SPOCK3: variants seen among roughly 807,000 people sequenced by gnomAD.
The protein encoded by SPOCK3 is SPARC (osteonectin), cwcv and kazal like domains proteoglycan 3.
In SPOCK3, 30 loss-of-function variants were observed where a neutral mutation model predicts 56.6. That is an observed-to-expected ratio of 0.53 (90% CI 0.40 to 0.72). The LOEUF is 0.72. Ranked by LOEUF, SPOCK3 falls within the 30% of genes least tolerant of loss-of-function variation. The probability of loss-of-function intolerance (pLI) is 0.00; values close to 1 mark genes in which losing one functional copy is unlikely to be tolerated. For missense variants in SPOCK3, 527 were observed against 530.0 expected, an observed-to-expected ratio of 0.99 and a Z score of 0.06; for synonymous variants, 196 against 183.3, an observed-to-expected ratio of 1.07 and a Z score of -0.56.
chr4:167,179,527 A>C (rs1376275870), intron 2 of SPOCK3, among the ~76,000 whole-genome samples: 1 of 152,176 alleles, frequency 6.6e-6, no homozygotes, highest in African/African-American at 2.4e-5. Context: ...TAATCAAGTA[A>C]CTTTTATTCA....
chr4:166,782,884 AAG>A lies in SPOCK3; in HGVS notation c.709+9284_709+9285del, dbSNP rs780257464. 3.3e-5 allele frequency among the ~76,000 whole-genome samples: 5 copies of A among 152,316 alleles called. No individual in the cohort carries two copies. The East Asian group carries it at 5.8e-4, about 18-fold the overall frequency. On this transcript the variant is annotated intron_variant, in intron 7 of 10. Coordinates refer to ENST00000357545, the MANE Select transcript of SPOCK3 (RefSeq NM_001040159.2). ...AAGACTTTCTTAAAGAACATGAACT[AAG>A]AGATATTCTAAAGTCAAAATAGAAA...
chr4:167,217,468 G>A (rs1163842284), intron 2 of SPOCK3, among the ~76,000 whole-genome samples: 1 of 151,942 alleles, frequency 6.6e-6, no homozygotes, highest in Non-Finnish European at 1.5e-5. Context: ...AATTTAAAGT[G>A]TATTGGAGAA....
chr4:166,816,948 T>A (rs914588917), intron 6 of SPOCK3, among the ~76,000 whole-genome samples: 1 of 152,168 alleles, frequency 6.6e-6, no homozygotes, highest in Middle Eastern at 3.4e-3. Flanking sequence ...TTCTTTCCAC[T>A]TTGTGTTAGA....
chr4:167,109,300 T>C (rs1215486727), intron 2 of SPOCK3, among the ~76,000 whole-genome samples: 1 of 90,466 alleles, frequency 1.1e-5, no homozygotes, highest in African/African-American at 4.5e-5. Context: ...TTATAAATAA[T>C]AATTATTAAT....
At chr4:167,106,604 G>C (rs902319219) in intron 2 of SPOCK3, among the ~76,000 whole-genome samples, 21 of 149,266 alleles carry the variant, frequency 1.4e-4, no homozygotes, top group African/African-American at 5.2e-4. Flanking sequence ...AAAAGCAAGA[G>C]CAAACTAAAC....
chr4:167,120,247 T>C (rs544310649), intron 2 of SPOCK3, among the ~76,000 whole-genome samples: 6 of 152,174 alleles, frequency 3.9e-5, no homozygotes, highest in Admixed American at 6.5e-5. Context: ...TTAAAAACAT[T>C]GTGTTTCAAT....
intron 2 of SPOCK3, among the ~76,000 whole-genome samples, chr4:167,200,676 C>T (rs972334092): frequency 6.6e-6 from 1 of 151,980 alleles, no homozygotes; most frequent in Non-Finnish European, 1.5e-5. Flanking sequence ...TTGCTGATTT[C>T]ACCATCAACA....
At position 167,209,169 on chromosome 4, in the gene SPOCK3, T is replaced by C. The variant is rs1375943488; in HGVS notation, c.189+24816A>G. ...AAAATGGCTTTTGTTAACATTGTGC[T>C]TCTCGGACTGGGGTTCCTGTATTGG... is the stretch of plus-strand genomic sequence containing the variant. On this transcript the variant is annotated intron_variant, in intron 2 of 10. Transcript: ENST00000357545. 9.9e-5 allele frequency among the ~76,000 whole-genome samples: 15 copies of C among 152,260 alleles called. No homozygotes were observed. The East Asian group carries it at 2.9e-3, about 29-fold the overall frequency.
chr4:167,205,557 A>ATT (rs1561322866), intron 2 of SPOCK3, among the ~76,000 whole-genome samples: 21 of 62,038 alleles, frequency 3.4e-4, no homozygotes, highest in African/African-American at 1.1e-3. Context: ...TATAATATAT[A>ATT]ATATATATTA....
rs190122631 is a variant in SPOCK3 at position 166,833,236 on chromosome 4, T to A, written c.590-40947A>T. On this transcript the variant is annotated intron_variant, in intron 6 of 10. Transcript: ENST00000357545. The stretch of plus-strand genomic sequence containing the variant: ...GATAATATACATCACATGATTTCAA[T>A]TCTGTTGATGTTTGTTTAATGATCC... 3.9e-5 allele frequency among the ~76,000 whole-genome samples: 6 copies of A among 152,318 alleles called. No homozygotes were observed. In the East Asian group the frequency reaches 1.2e-3, roughly 29 times the overall value.
At position 167,197,748 on chromosome 4, in the gene SPOCK3, T is replaced by C. The variant is rs193028598; in HGVS notation, c.189+36237A>G. Among the ~76,000 whole-genome samples, 63 of 152,280 alleles carry C rather than the reference T, an allele frequency of 4.1e-4. 1 individual carries two copies. The highest frequency in any genetic ancestry group is 1.4e-3 in the African/African-American group (57 of 41,572). On this transcript the variant is annotated intron_variant, in intron 2 of 10. Transcript: ENST00000357545. ...GCTCATCTGATGTTATGTTTTAAGT[T>C]TGTGTTCAAAAAATAAGCATGAAAA...
chr4:167,135,205 TTTGTC>T (rs1417806615), intron 2 of SPOCK3, among the ~76,000 whole-genome samples: 3 of 151,812 alleles, frequency 2.0e-5, no homozygotes, highest in Non-Finnish European at 4.4e-5. Context: ...GAAAAGACCA[TTTGTC>T]TTGTCATTTA....
chr4:166,801,741 G>A lies in SPOCK3; in HGVS notation c.590-9452C>T, dbSNP rs561306820. Among the ~76,000 whole-genome samples the A allele has an allele frequency of 3.0e-4, 45 of 152,202 alleles. 1 individual carries two copies. The highest frequency in any genetic ancestry group is 6.3e-4 in the Non-Finnish European group (43 of 68,010). Reference sequence around the variant, plus strand: ...TAATTTATTTATGAATAATTGAATTGTTGAGAAATGAAGTAGTATAGGTAT... The same window carrying A: ...TAATTTATTTATGAATAATTGAATTATTGAGAAATGAAGTAGTATAGGTAT... On this transcript the variant is annotated intron_variant, in intron 6 of 10. Transcript: ENST00000357545.
rs183982106 is a variant in SPOCK3 at position 166,737,648 on chromosome 4, T to C, written c.995-44A>G. The C allele has an allele frequency of 9.8e-4, 1,543 of 1,569,634 alleles. 4 individuals carry two copies. The highest frequency in any genetic ancestry group is 1.2e-3 in the Non-Finnish European group (1,376 of 1,159,054). The stretch of plus-strand genomic sequence containing the variant: ...GGCATACAAACACACACATGTAGTT[T>C]ATGAATAAGCTGTGCTCCTTTCTGA... On this transcript the variant is annotated intron_variant, in intron 9 of 10. Transcript: ENST00000357545.
At chr4:166,746,063 C>T (rs954657469) in intron 8 of SPOCK3, among the ~76,000 whole-genome samples, 5 of 152,150 alleles carry the variant, frequency 3.3e-5, no homozygotes, top group South Asian at 2.1e-4. Context: ...CTACTGTCAA[C>T]ATTAGACAGA....
chr4:166,968,813 T>G (rs1465816429), intron 4 of SPOCK3, among the ~76,000 whole-genome samples: 2 of 152,064 alleles, frequency 1.3e-5, no homozygotes, highest in African/African-American at 4.8e-5. Context: ...GTGCCAATTC[T>G]CCAGACTTCA....
chr4:166,969,355 C>G (rs1745115499), intron 4 of SPOCK3, among the ~76,000 whole-genome samples: 1 of 152,100 alleles, frequency 6.6e-6, no homozygotes, highest in Non-Finnish European at 1.5e-5. Context: ...GCTCTGTGCC[C>G]CCACCCAAGT....
chr4:167,026,181 A>C (rs1472952710), intron 3 of SPOCK3, among the ~76,000 whole-genome samples: 8 of 152,064 alleles, frequency 5.3e-5, no homozygotes, highest in Admixed American at 2.0e-4. Context: ...TTAATGTTGA[A>C]TACATGCCAT....
At position 167,199,693 on chromosome 4, in the gene SPOCK3, TA is replaced by T. The variant is rs1001435918; in HGVS notation, c.189+34291del. ...GAAACCCAACTTATAATGTGTGAAATAAATAATAATAATAATAATAATAATA... is the reference window on the plus strand; with the variant it reads ...GAAACCCAACTTATAATGTGTGAAATAATAATAATAATAATAATAATAATA... On this transcript the variant is annotated intron_variant, in intron 2 of 10. Transcript: ENST00000357545. 1.8e-3 allele frequency among the ~76,000 whole-genome samples: 216 copies of T among 118,576 alleles called. 1 individual carries two copies. The highest frequency in any genetic ancestry group is 7.0e-3 in the African/African-American group (207 of 29,518). The allele number at this position is 118,576 out of a possible 152,430, so 77.8% of individuals were successfully genotyped here. A position where few individuals can be genotyped will look rare whatever the true frequency, so the allele number is the denominator to read the frequency against.
Sources: allele counts gnomAD v4.1 joint callset (sites outside exome capture counted in the v4.1 genomes callset), GRCh38; gene constraint gnomAD v4.1.1; transcripts MANE v1.5; gene names NCBI Gene and HGNC (gene_info 2026-07-23, HGNC 2026-07-21).